Variants in ROBO2 observed in about 807,000 individuals in gnomAD.
ROBO2 encodes roundabout guidance receptor 2.
ROBO2 carries 53 observed loss-of-function variants against 160.8 expected under a neutral mutation model. The observed-to-expected ratio is 0.33, with a 90% CI of 0.26 to 0.41. ROBO2 has a LOEUF of 0.41. Ranked by LOEUF, ROBO2 falls within the 10% of genes least tolerant of loss-of-function variation. The pLI, the probability that ROBO2 is intolerant of heterozygous loss-of-function variation, is 1.00. For synonymous variants in ROBO2, 664 were observed against 611.7 expected (o/e 1.09, Z -1.26); for missense variants, 1,577 against 1,722.4 (o/e 0.92, Z 1.49).
At chr3:75,940,662 A>C (rs750574916) in intron 2 of ROBO2, among the ~76,000 whole-genome samples, 27 of 152,192 alleles carry the variant, frequency 1.8e-4, no homozygotes, top group Non-Finnish European at 3.1e-4. Context: ...TACAATGGAA[A>C]TAAAACAAAT....
At chr3:76,209,009 A>G (rs1292995727) in intron 2 of ROBO2, among the ~76,000 whole-genome samples, 1 of 152,208 alleles carries the variant, frequency 6.6e-6, no homozygotes, top group African/African-American at 2.4e-5. Context: ...TACTACTCCC[A>G]GGAAAAAACA....
At chr3:76,222,893 T>C (rs1704059760) in intron 2 of ROBO2, among the ~76,000 whole-genome samples, 1 of 152,034 alleles carries the variant, frequency 6.6e-6, no homozygotes, top group African/African-American at 2.4e-5. Context: ...TAGCTGGGAC[T>C]GCAGGCACCT....
At chr3:76,917,395 G>A (rs572404310) in intron 2 of ROBO2, among the ~76,000 whole-genome samples, 14 of 152,322 alleles carry the variant, frequency 9.2e-5, no homozygotes, top group Middle Eastern at 3.4e-3. Flanking sequence ...TACAAAAAAT[G>A]AGGTTCTTCC....
At chr3:76,448,572 G>A (rs747132939) in intron 2 of ROBO2, among the ~76,000 whole-genome samples, 1 of 152,070 alleles carries the variant, frequency 6.6e-6, no homozygotes, top group Non-Finnish European at 1.5e-5. Flanking sequence ...ATCTATTTAT[G>A]AGCTCTATAA....
intron 8 of ROBO2, among the ~76,000 whole-genome samples, chr3:77,555,859 A>G (rs1032830415): frequency 6.6e-6 from 1 of 151,866 alleles, no homozygotes; most frequent in Non-Finnish European, 1.5e-5. Context: ...TTCACCCATA[A>G]CATCCTTGGA....
chr3:76,101,324 C>A (rs186574425), intron 2 of ROBO2, among the ~76,000 whole-genome samples: 1 of 152,190 alleles, frequency 6.6e-6, no homozygotes, highest in Non-Finnish European at 1.5e-5. Flanking sequence ...ATACAGACAG[C>A]AGTGCCAACC....
chr3:77,328,758 A>G (rs1179740776), intron 2 of ROBO2, among the ~76,000 whole-genome samples: 1 of 152,212 alleles, frequency 6.6e-6, no homozygotes, highest in Non-Finnish European at 1.5e-5. Flanking sequence ...GAAGTGGCAT[A>G]AAAATAGCAT....
intron 2 of ROBO2, among the ~76,000 whole-genome samples, chr3:76,202,463 T>G (rs1702581764): frequency 6.6e-6 from 1 of 152,210 alleles, no homozygotes; most frequent in South Asian, 2.1e-4. Context: ...TAGACAGAAC[T>G]TTATTTCAGT....
intron 2 of ROBO2, among the ~76,000 whole-genome samples, chr3:76,948,269 A>C (rs147920878): frequency 6.6e-6 from 1 of 152,182 alleles, no homozygotes; most frequent in East Asian, 1.9e-4. Flanking sequence ...TTTAGATATG[A>C]ATTTGTTTTT....
At chr3:76,303,995 A>G (rs1331002943) in intron 2 of ROBO2, among the ~76,000 whole-genome samples, 1 of 152,234 alleles carries the variant, frequency 6.6e-6, no homozygotes, top group Non-Finnish European at 1.5e-5. Context: ...TATTTAAACT[A>G]TTTCTCGATA....
intron 2 of ROBO2, among the ~76,000 whole-genome samples, chr3:76,848,716 C>T (rs1450486707): frequency 1.3e-5 from 2 of 152,164 alleles, no homozygotes; most frequent in East Asian, 3.9e-4. Flanking sequence ...GAAAGAGAGT[C>T]TCTAAGGCCT....
At chr3:76,759,624 A>G (rs1270704578) in intron 2 of ROBO2, among the ~76,000 whole-genome samples, 5 of 151,828 alleles carry the variant, frequency 3.3e-5, no homozygotes, top group African/African-American at 9.7e-5. Context: ...TGACCAAACC[A>G]TAAAAAGTAC....
At chr3:77,186,252 G>T (rs1024930246) in intron 2 of ROBO2, among the ~76,000 whole-genome samples, 1 of 151,816 alleles carries the variant, frequency 6.6e-6, no homozygotes, top group Non-Finnish European at 1.5e-5. Context: ...AATGTCATGG[G>T]GAGATTAAAA....
intron 2 of ROBO2, among the ~76,000 whole-genome samples, chr3:77,023,912 T>C (rs777489238): frequency 2.6e-5 from 4 of 152,206 alleles, no homozygotes; most frequent in Non-Finnish European, 5.9e-5. Flanking sequence ...AATCCCTATC[T>C]ATATTTTTGA....
intron 2 of ROBO2, among the ~76,000 whole-genome samples, chr3:76,734,315 T>C (rs1336025311): frequency 1.3e-5 from 2 of 152,254 alleles, no homozygotes; most frequent in Non-Finnish European, 2.9e-5. Context: ...TTGAAACACA[T>C]TTGAGAGTAA....
intron 2 of ROBO2, among the ~76,000 whole-genome samples, chr3:76,492,624 T>C (rs2079898057): frequency 6.6e-6 from 1 of 152,168 alleles, no homozygotes; most frequent in South Asian, 2.1e-4. Flanking sequence ...TTTGCTGTCA[T>C]ATGGTCAAAC....
At chr3:77,068,966 T>C (rs1186310184) in intron 1 of ROBO2, among the ~76,000 whole-genome samples, 1 of 152,150 alleles carries the variant, frequency 6.6e-6, no homozygotes, top group African/African-American at 2.4e-5. Flanking sequence ...TTTATTCGGT[T>C]GAATTTTCTT....
chr3:76,090,375 G>A (rs1364802599), intron 2 of ROBO2, among the ~76,000 whole-genome samples: 1 of 152,056 alleles, frequency 6.6e-6, no homozygotes, highest in African/African-American at 2.4e-5. Context: ...ATAGATCCGG[G>A]AGATCATGCC....
chr3:76,574,059 G>T (rs1280601532), intron 2 of ROBO2, among the ~76,000 whole-genome samples: 1 of 152,074 alleles, frequency 6.6e-6, no homozygotes, highest in Non-Finnish European at 1.5e-5. Flanking sequence ...GTATTTGAGA[G>T]CAGAGATGTT....
Sources: allele counts gnomAD v4.1 joint callset (sites outside exome capture counted in the v4.1 genomes callset), GRCh38; gene constraint gnomAD v4.1.1; transcripts MANE v1.5; gene names NCBI Gene and HGNC (gene_info 2026-07-23, HGNC 2026-07-21).